MS4A1: variants seen among roughly 807,000 people sequenced by gnomAD.
MS4A1 encodes membrane spanning 4-domains A1.
Under a neutral mutation model 26.5 loss-of-function variants are expected in MS4A1, and 16 were observed. The ratio of observed to expected loss-of-function variants is 0.60; its 90% CI spans 0.41 to 0.92. The LOEUF (loss-of-function observed/expected upper bound fraction) is 0.92. Ranked by LOEUF, MS4A1 falls within the 40% of genes least tolerant of loss-of-function variation. MS4A1 has a pLI of 0.00. For missense variants in MS4A1, 350 were observed against 353.0 expected, an observed-to-expected ratio of 0.99 and a Z score of 0.07; for synonymous variants, 128 against 117.6, an observed-to-expected ratio of 1.09 and a Z score of -0.57.
chr11:60,461,987 T>C (rs2086251765), intron 2 of MS4A1, among the ~76,000 whole-genome samples, 198 bp from the exon 3 acceptor site: 1 of 152,114 alleles, frequency 6.6e-6, no homozygotes, highest in Non-Finnish European at 1.5e-5. Flanking sequence ...CAAGGACAAG[T>C]CCATTGAAAA....
At chr11:60,460,447 T>G (rs1327415627) in intron 1 of MS4A1, among the ~76,000 whole-genome samples, 1 of 152,156 alleles carries the variant, frequency 6.6e-6, no homozygotes, top group African/African-American at 2.4e-5. Context: ...AGTAGTCAGC[T>G]GCCTGTTTTA....
rs2135197187 is a variant in MS4A1, at chr11:60,462,420, C to T, written c.46C>T (p.Pro16Ser). The change falls in exon 3 of 8, where the codon CCA (proline) becomes TCA (serine). Residue 16 changes from proline (P) to serine (S), a missense_variant. Coordinates refer to ENST00000345732, the MANE Select transcript of MS4A1 (RefSeq NM_152866.3). ...AGTAAATGGGACTTTCCCGGCAGAG[C>T]CAATGAAAGGCCCTATTGCTATGCA... Reference protein sequence around the residue: ...NSVNGTFPAEPMKGPIAMQSG... With the variant: ...NSVNGTFPAESMKGPIAMQSG... 6.2e-7 allele frequency: 1 copy of T among 1,614,162 alleles called. No individual in the cohort carries two copies. The highest frequency in any genetic ancestry group is 8.5e-7 in the Non-Finnish European group (1 of 1,180,028).
At chr11:60,464,981 C>T (rs186562045) in intron 5 of MS4A1, among the ~76,000 whole-genome samples, 1 of 152,318 alleles carries the variant, frequency 6.6e-6, no homozygotes, top group African/African-American at 2.4e-5. Context: ...CCAAAAAATT[C>T]CTCCCCCAAC....
chr11:60,468,549 G>C lies in MS4A1; in HGVS notation c.*81G>C. On this transcript the variant is annotated 3_prime_UTR_variant, in exon 8 of 8. Transcript: ENST00000345732. ...AGAGACATGCTGACTTTCATTTCTT[G>C]AGGTACTCTGCACATACGCACCACA... is the stretch of plus-strand genomic sequence containing the variant. 7.6e-7 allele frequency: 1 copy of C among 1,322,156 alleles called. No homozygotes were observed. The highest frequency in any genetic ancestry group is 1.1e-6 in the Non-Finnish European group (1 of 927,610). The allele number at this position is 1,322,156 out of a possible 1,614,324, so 81.9% of individuals were successfully genotyped here.
intron 5 of MS4A1, among the ~76,000 whole-genome samples, chr11:60,464,785 G>A (rs1222936453): frequency 6.6e-6 from 1 of 152,170 alleles, no homozygotes; most frequent in Non-Finnish European, 1.5e-5. Flanking sequence ...AACAGTCCTT[G>A]CTACCATGTG....
In MS4A1 at chr11:60,468,359, T is replaced by C; in HGVS notation, c.785T>C (p.Ile262Thr). The change falls in exon 8 of 8, where the codon ATT (isoleucine) becomes ACT (threonine). Residue 262 changes from isoleucine to threonine, a missense_variant. Ile to Thr is a moderately conservative substitution (Grantham distance 89). Transcript: ENST00000345732. ...TSSQPKNEED[I>T]EIIPIQEEEE... ...TCCCAACCAAAGAATGAAGAAGACA[T>C]TGAAATTATTCCAATCCAAGAAGAG... is the stretch of plus-strand genomic sequence containing the variant. 4 of 1,614,004 alleles carry C rather than the reference T, an allele frequency of 2.5e-6. No homozygotes were observed. The highest frequency in any genetic ancestry group is 2.5e-6 in the Non-Finnish European group (3 of 1,179,974).
intron 4 of MS4A1, 52 bp from the exon 5 acceptor site, chr11:60,464,236 T>A: frequency 7.5e-7 from 1 of 1,336,322 alleles, no homozygotes; most frequent in Non-Finnish European, 1.1e-6. Flanking sequence ...CTCTCCTCTA[T>A]CTCCTGTCTT....
chr11:60,467,137 A>AT (rs1446350968), intron 7 of MS4A1, 77 bp downstream of exon 7: 1 of 1,235,736 alleles, frequency 8.1e-7, no homozygotes, highest in African/African-American at 1.5e-5. Context: ...GGAGAATGTA[A>AT]TCTGATGAGT....
rs145984881 is a variant in MS4A1 at position 60,466,303 on chromosome 11, T to C, written c.573+146T>C. On this transcript the variant is annotated intron_variant, in intron 6 of 7. Transcript: ENST00000345732. ...CTTTGGGAAAGAATTTTAACCACACTGTGCCTCAATTTCTTCAACTGTAAA... is the reference window on the plus strand; with the variant it reads ...CTTTGGGAAAGAATTTTAACCACACCGTGCCTCAATTTCTTCAACTGTAAA... 1.6e-3 allele frequency: 1,255 copies of C among 763,684 alleles called. 5 individuals carry two copies. The highest frequency in any genetic ancestry group is 7.7e-3 in the African/African-American group (452 of 58,918). 47.3% of individuals were successfully genotyped at this position (763,684 alleles called of 1,614,324 possible). A position where few individuals can be genotyped will look rare whatever the true frequency, so the allele number is the denominator to read the frequency against.
chr11:60,467,961 A>C (rs1432904727), intron 7 of MS4A1, among the ~76,000 whole-genome samples: 3 of 152,206 alleles, frequency 2.0e-5, no homozygotes, highest in Non-Finnish European at 4.4e-5. Flanking sequence ...ATCAGAACGA[A>C]AATCTAAACT....
rs1354620592 is a variant in MS4A1, at chr11:60,468,461, C to A, written c.887C>A (p.Ser296Tyr). 18 of 1,613,830 alleles carry A rather than the reference C, an allele frequency of 1.1e-5. No homozygotes were observed. Among genetic ancestry groups the A allele is most frequent in the Non-Finnish European group, 1.4e-5 (17 of 1,179,734 alleles). ...TCCTCACCAATAGAAAATGACAGCT[C>A]TCCTTAAGTGATTTCTTCTGTTTTC... ...QESSPIENDS[S>Y]P is the part of the protein sequence containing the mutation. Residue 296 changes from serine (S) to tyrosine (Y), a missense_variant, in exon 8 of 8, where the codon TCT (serine) becomes TAT (tyrosine). Coordinates refer to ENST00000345732, the MANE Select transcript of MS4A1 (RefSeq NM_152866.3).
chr11:60,465,642 TG>T, intron 5 of MS4A1: 1 of 393,170 alleles, frequency 2.5e-6, no homozygotes, highest in South Asian at 3.2e-5. Flanking sequence ...GTGAAGGAAA[TG>T]CAAGGATACA....
chr11:60,458,760 C>A (rs1397122188), intron 1 of MS4A1, among the ~76,000 whole-genome samples: 1 of 152,002 alleles, frequency 6.6e-6, no homozygotes, highest in East Asian at 1.9e-4. Context: ...ACAGTCAGCC[C>A]ACAATGCCAT....
rs200768099 is a variant in MS4A1 at position 60,462,384 on chromosome 11, C to T, written c.10C>T (p.Pro4Ser). ...GAGTTTTGAGAGCAAAATGACAACA[C>T]CCAGAAATTCAGTAAATGGGACTTT... is the stretch of plus-strand genomic sequence containing the variant. Reference protein sequence around the residue: MTTPRNSVNGTFPA... With the variant: MTTSRNSVNGTFPA... Residue 4 changes from proline to serine, a missense_variant, in exon 3 of 8, where the codon CCC becomes TCC. Transcript: ENST00000345732. 6.8e-6 allele frequency: 11 copies of T among 1,614,128 alleles called. No homozygotes were observed. The Middle Eastern group carries it at 8.2e-4, about 121-fold the overall frequency.
intron 1 of MS4A1, 99 bp from the exon 2 acceptor site, chr11:60,460,973 C>T (rs2086242896): frequency 1.3e-5 from 2 of 151,748 alleles, no homozygotes; most frequent in Non-Finnish European, 2.9e-5. Context: ...ACAAGAATAG[C>T]AACAAAAATA....
In MS4A1 at chr11:60,464,285, C is replaced by T. The variant is rs2086272492; in HGVS notation, c.280-3C>T. On this transcript the variant is annotated splice_region_variant and splice_polypyrimidine_tract_variant and intron_variant, in intron 4 of 7. Transcript: ENST00000345732. ...CCATCTCCCCCACCTCTCTTTTTTA[C>T]AGTATATTATTTCCGGATCACTCCT... The T allele has an allele frequency of 6.9e-7, 1 of 1,459,126 alleles. No homozygotes were observed. The highest frequency in any genetic ancestry group is 3.1e-5 in the East Asian group (1 of 31,768). The allele number at this position is 1,459,126 out of a possible 1,614,324, so 90.4% of individuals were successfully genotyped here.
At chr11:60,462,941 T>C in intron 3 of MS4A1, 61 bp from the exon 4 acceptor site, 2 of 1,607,746 alleles carry the variant, frequency 1.2e-6, no homozygotes, top group South Asian at 1.1e-5. Flanking sequence ...TCCAACCTTG[T>C]CTTTGCCTGC....
At chr11:60,468,160 C>A (rs1024543249) in intron 7 of MS4A1, 90 bp from the exon 8 acceptor site, 1 of 1,200,456 alleles carries the variant, frequency 8.3e-7, no homozygotes, top group Non-Finnish European at 1.2e-6. Flanking sequence ...GCATAAAAAC[C>A]AGGAGGTATT....
chr11:60,464,252 C>A lies in MS4A1; in HGVS notation c.280-36C>A, dbSNP rs200611730. 179 of 1,329,104 alleles carry A rather than the reference C, an allele frequency of 1.3e-4. 3 individuals carry two copies. The South Asian group carries it at 2.0e-3, about 15-fold the overall frequency. 82.3% of individuals were successfully genotyped at this position (1,329,104 alleles called of 1,614,324 possible). On this transcript the variant is annotated intron_variant, in intron 4 of 7. Transcript: ENST00000345732. The stretch of plus-strand genomic sequence containing the variant: ...TCTCCTCTATCTCCTGTCTTGCCCA[C>A]CCCCTCTCCATCTCCCCCACCTCTC...
Sources: allele counts gnomAD v4.1 joint callset (sites outside exome capture counted in the v4.1 genomes callset), GRCh38; gene constraint gnomAD v4.1.1; transcripts MANE v1.5; gene names NCBI Gene and HGNC (gene_info 2026-07-23, HGNC 2026-07-21).